HPSE2: variants seen among roughly 807,000 people sequenced by gnomAD.
The protein encoded by HPSE2 is heparanase 2 (inactive), also known as inactive heparanase-2.
Under a neutral mutation model 60.5 loss-of-function variants are expected in HPSE2, and 38 were observed. That is an observed-to-expected ratio of 0.63 (90% confidence interval 0.48 to 0.82). The LOEUF (loss-of-function observed/expected upper bound fraction) is 0.82, where lower values mean the gene tolerates loss of function less well. Among genes scored for constraint, HPSE2 ranks in the 40% least tolerant of loss-of-function variants. The pLI is 0.00. For synonymous variants in HPSE2, 295 were observed against 293.2 expected, an observed-to-expected ratio of 1.01 and a Z score of -0.06; for missense variants, 713 against 740.4, an observed-to-expected ratio of 0.96 and a Z score of 0.43.
intron 5 of HPSE2, among the ~76,000 whole-genome samples, chr10:98,702,022 A>G (rs992539007): frequency 2.0e-5 from 3 of 152,208 alleles, no homozygotes; most frequent in African/African-American, 7.2e-5. Flanking sequence ...CAAATTGGAT[A>G]AAGAGTCAAG....
intron 3 of HPSE2, among the ~76,000 whole-genome samples, chr10:98,940,856 C>G (rs1405530689): frequency 1.4e-5 from 2 of 138,764 alleles, no homozygotes; most frequent in African/African-American, 6.2e-5. Context: ...CAAAACAAAT[C>G]CAGCAGCACA....
At chr10:98,599,761 T>C (rs1336757001) in intron 9 of HPSE2, among the ~76,000 whole-genome samples, 1 of 152,204 alleles carries the variant, frequency 6.6e-6, no homozygotes, top group Non-Finnish European at 1.5e-5. Flanking sequence ...CTAGGTGCTA[T>C]AATATTTCAC....
chr10:98,722,594 A>G (rs1017151892), intron 4 of HPSE2, among the ~76,000 whole-genome samples: 3 of 152,178 alleles, frequency 2.0e-5, no homozygotes, highest in Middle Eastern at 3.2e-3. Flanking sequence ...AAAAAGTCAG[A>G]AAAAATATTA....
intron 3 of HPSE2, among the ~76,000 whole-genome samples, chr10:99,009,571 T>C (rs1956967726): frequency 6.6e-6 from 1 of 152,196 alleles, no homozygotes; most frequent in African/African-American, 2.4e-5. Context: ...AGGCAGCCAG[T>C]TTCTTGTAGA....
rs548023844 is a variant in HPSE2, at chr10:98,938,221, G to A, written c.611-194165C>T. On this transcript the variant is annotated intron_variant, in intron 3 of 11. Coordinates refer to ENST00000370552, the MANE Select transcript of HPSE2 (RefSeq NM_021828.5). Reference sequence around the variant, plus strand: ...AGGAACGCAGTTCCTCACCAGCAACGGAACAAAGCTGGACGGAGAATGACT... The same window carrying A: ...AGGAACGCAGTTCCTCACCAGCAACAGAACAAAGCTGGACGGAGAATGACT... Among the ~76,000 whole-genome samples, 148 of 144,984 alleles carry A rather than the reference G, an allele frequency of 1.0e-3. 16 individuals are homozygous for A. The highest frequency in any genetic ancestry group is 3.0e-3 in the African/African-American group (109 of 35,964).
At chr10:99,120,558 C>A (rs1266001042) in intron 3 of HPSE2, among the ~76,000 whole-genome samples, 1 of 151,850 alleles carries the variant, frequency 6.6e-6, no homozygotes, top group African/African-American at 2.4e-5. Context: ...ACTGCAACCT[C>A]CACCTCCCAG....
chr10:98,675,173 T>C (rs1278467445), intron 6 of HPSE2, among the ~76,000 whole-genome samples: 3 of 152,172 alleles, frequency 2.0e-5, no homozygotes, highest in Non-Finnish European at 2.9e-5. Flanking sequence ...GCCTTCTATC[T>C]AGCTGCTCCC....
At chr10:99,283,612 A>G in the HPSE2 span, among the ~76,000 whole-genome samples, 130,064 of 151,976 alleles carry the variant, frequency 0.86, 56,023 homozygotes, top group African/African-American at 0.92. Context: ...TAGGCAAATT[A>G]ACTAAGATAA....
chr10:98,830,767 A>G (rs1038136582), intron 3 of HPSE2, among the ~76,000 whole-genome samples: 2 of 152,212 alleles, frequency 1.3e-5, no homozygotes, highest in African/African-American at 4.8e-5. Context: ...TTGGTCAAAA[A>G]CAAAGGCACC....
chr10:99,238,268 T>C (rs1208028920), upstream of HPSE2, among the ~76,000 whole-genome samples: 2 of 152,236 alleles, frequency 1.3e-5, no homozygotes, highest in Non-Finnish European at 2.9e-5. Flanking sequence ...ACTAGATGTC[T>C]ATAATTAATA....
chr10:98,685,294 T>A (rs372157701), intron 6 of HPSE2, among the ~76,000 whole-genome samples: 1 of 152,178 alleles, frequency 6.6e-6, no homozygotes, highest in Admixed American at 6.6e-5. Flanking sequence ...TATGATGAGA[T>A]ACATGAATCT....
intron 3 of HPSE2, among the ~76,000 whole-genome samples, chr10:98,957,477 G>T (rs767433590): frequency 1.3e-5 from 2 of 152,168 alleles, no homozygotes; most frequent in African/African-American, 4.8e-5. Context: ...TTAATAATAA[G>T]TCATGGTAAT....
intron 6 of HPSE2, among the ~76,000 whole-genome samples, chr10:98,656,891 A>C (rs1187656199): frequency 1.3e-5 from 2 of 151,366 alleles, no homozygotes. Flanking sequence ...CCTCCTGAGT[A>C]GCTGGGATTA....
intron 5 of HPSE2, among the ~76,000 whole-genome samples, chr10:98,711,051 A>T (rs1054375951): frequency 6.6e-6 from 1 of 152,084 alleles, no homozygotes; most frequent in Non-Finnish European, 1.5e-5. Flanking sequence ...GATTTGCTTG[A>T]TTGGAAAGAA....
At chr10:98,654,456 T>C (rs1181844232) in intron 6 of HPSE2, among the ~76,000 whole-genome samples, 2 of 152,342 alleles carry the variant, frequency 1.3e-5, no homozygotes, top group African/African-American at 2.4e-5. Context: ...GGGCAATTTC[T>C]ATTGACCTAT....
At chr10:99,257,439 G>A in the HPSE2 span, among the ~76,000 whole-genome samples, 5 of 152,154 alleles carry the variant, frequency 3.3e-5, no homozygotes, top group Admixed American at 3.3e-4. Flanking sequence ...CTCTAAAATG[G>A]CCGCTTCGGG....
At chr10:99,242,845 G>A in the HPSE2 span, among the ~76,000 whole-genome samples, 1 of 152,166 alleles carries the variant, frequency 6.6e-6, no homozygotes, top group Admixed American at 6.5e-5. Flanking sequence ...AATTAAATGA[G>A]ATAATATCTT....
intron 3 of HPSE2, chr10:99,013,428 G>A: frequency 3.8e-6 from 2 of 519,866 alleles, no homozygotes. Flanking sequence ...AGAGATTCTT[G>A]GCCACCAATA....
At chr10:99,187,905 T>C (rs532740657) in intron 2 of HPSE2, among the ~76,000 whole-genome samples, 43 of 152,338 alleles carry the variant, frequency 2.8e-4, no homozygotes, top group Admixed American at 2.6e-3. Flanking sequence ...TCCAAAGAGA[T>C]AGAAACACAT....
Sources: gnomAD v4.1 joint callset for allele counts (sites outside exome capture counted in the v4.1 genomes callset) on GRCh38, gnomAD v4.1.1 for gene constraint, MANE v1.5 for transcripts, NCBI Gene and HGNC (gene_info 2026-07-23, HGNC 2026-07-21) for gene names.